EXO1: variants seen among roughly 807,000 people sequenced by gnomAD.
The protein encoded by EXO1 is exonuclease 1.
In EXO1, 69 loss-of-function variants were observed where a neutral mutation model predicts 84.5. That is an observed-to-expected ratio of 0.82 (90% CI 0.67 to 1.00). EXO1 has a LOEUF of 1.00. Ranked by LOEUF, EXO1 falls within the 50% of genes least tolerant of loss-of-function variation. EXO1 has a pLI of 0.00. For missense variants in EXO1, 1,045 were observed against 1,000.7 expected (o/e 1.04, Z -0.60); for synonymous variants, 373 against 366.1 (o/e 1.02, Z -0.21).
intron 12 of EXO1, among the ~76,000 whole-genome samples, chr1:241,873,468 G>GT (rs3835630): frequency 0.16 from 24,382 of 151,942 alleles, 2,452 homozygotes; most frequent in South Asian, 0.23. Flanking sequence ...TACAGAAATT[G>GT]TTTTTTTGGG....
intron 11 of EXO1, 31 bp from the exon 12 acceptor site, chr1:241,871,999 CAA>C: frequency 6.4e-7 from 1 of 1,564,310 alleles, no homozygotes; most frequent in Non-Finnish European, 8.7e-7. Flanking sequence ...ACAGGTGAAA[CAA>C]AGATTTACAG....
rs200754492 is a variant in EXO1 at position 241,860,599 on chromosome 1, A to C, written c.839A>C (p.Asn280Thr). ...ATCAACGGGTTTATTCGGGCCAACA[A>C]TACCTTCCTCTATCAGCTAGTTTTT... Reference protein sequence around the residue: ...DYINGFIRANNTFLYQLVFDP... With the variant: ...DYINGFIRANTTFLYQLVFDP... The change falls in exon 9 of 16, where the codon AAT (asparagine) becomes ACT (threonine). Residue 280 changes from asparagine to threonine, a missense_variant. Physicochemically the swap from Asn to Thr is moderately conservative, Grantham distance 65. Transcript: ENST00000366548. 1.2e-6 allele frequency: 2 copies of C among 1,613,924 alleles called. No homozygotes were observed. The highest frequency in any genetic ancestry group is 2.2e-5 in the South Asian group (2 of 91,070).
intron 14 of EXO1, among the ~76,000 whole-genome samples, chr1:241,884,674 T>TGCAC (rs1553275071): frequency 0.19 from 27,766 of 149,508 alleles, 3,003 homozygotes; most frequent in Non-Finnish European, 0.25. Flanking sequence ...TGTGTGTGTG[T>TGCAC]GTGCACGTGC....
chr1:241,850,836 CTTTTTTTTTTTT>C (rs10641736), intron 4 of EXO1, among the ~76,000 whole-genome samples: 2 of 105,096 alleles, frequency 1.9e-5, no homozygotes, highest in South Asian at 3.5e-4. Context: ...CTCCTTTATT[CTTTTTTTTTTTT>C]TTTTTTTTTT....
At chr1:241,852,269 A>C in intron 4 of EXO1, 23 bp from the exon 5 acceptor site, 1 of 1,593,348 alleles carries the variant, frequency 6.3e-7, no homozygotes, top group Non-Finnish European at 8.6e-7. Flanking sequence ...TGAAGCACTG[A>C]ATGTTTTTCT....
intron 4 of EXO1, among the ~76,000 whole-genome samples, chr1:241,850,833 ATTCTT>A (rs1488665364): frequency 1.0e-5 from 1 of 97,668 alleles, no homozygotes; most frequent in African/African-American, 4.0e-5. Context: ...TATCTCCTTT[ATTCTT>A]TTTTTTTTTT....
chr1:241,882,764 TAATAA>T (rs1244803190), intron 14 of EXO1, among the ~76,000 whole-genome samples: 2 of 152,158 alleles, frequency 1.3e-5, no homozygotes, highest in Non-Finnish European at 2.9e-5. Flanking sequence ...CAAATTAAAA[TAATAA>T]AATAGTTTCT....
rs550672150 is a variant in EXO1 at position 241,853,344 on chromosome 1, T to G, written c.282-14T>G. The G allele has an allele frequency of 8.1e-6, 13 of 1,613,236 alleles. No individual in the cohort carries two copies. The East Asian group carries it at 2.9e-4, about 36-fold the overall frequency. ...TTAAATGTTTTATATTTAAAAAATG[T>G]TCTTCCCTTGCAGAAGACGACAAGC... On this transcript the variant is annotated splice_polypyrimidine_tract_variant and intron_variant, in intron 5 of 15. Coordinates refer to ENST00000366548, the MANE Select transcript of EXO1 (RefSeq NM_130398.4).
intron 4 of EXO1, among the ~76,000 whole-genome samples, chr1:241,852,075 AAGT>A (rs1407748419): frequency 2.6e-5 from 4 of 152,198 alleles, no homozygotes; most frequent in African/African-American, 9.7e-5. Context: ...TTGGAGGGTC[AAGT>A]AGTTCACCAG....
intron 12 of EXO1, among the ~76,000 whole-genome samples, chr1:241,875,833 A>G (rs1776144): frequency 0.31 from 46,602 of 152,088 alleles, 7,821 homozygotes; most frequent in Middle Eastern, 0.39. Context: ...AGCCAAGATC[A>G]CGCCACTGCA....
chr1:241,884,227 T>G (rs1662919232), intron 14 of EXO1, among the ~76,000 whole-genome samples: 1 of 152,180 alleles, frequency 6.6e-6, no homozygotes, highest in Non-Finnish European at 1.5e-5. Flanking sequence ...TTTCTTTGCC[T>G]TCTTTTTTCT....
At chr1:241,863,810 T>C (rs1372844862) in intron 10 of EXO1, among the ~76,000 whole-genome samples, 1 of 152,230 alleles carries the variant, frequency 6.6e-6, no homozygotes, top group Non-Finnish European at 1.5e-5. Flanking sequence ...CAATTGCTAT[T>C]TTACTTCCTT....
chr1:241,873,395 C>T (rs994959269), intron 12 of EXO1, among the ~76,000 whole-genome samples: 3 of 152,170 alleles, frequency 2.0e-5, no homozygotes, highest in African/African-American at 4.8e-5. Flanking sequence ...CTAGTACTTT[C>T]GTAATCTCTC....
intron 4 of EXO1, among the ~76,000 whole-genome samples, chr1:241,850,836 C>CTTTTTTTTTTTTTTTTTTTTTTTTT (rs10641736): frequency 9.5e-6 from 1 of 105,088 alleles, no homozygotes; most frequent in Non-Finnish European, 1.8e-5. Context: ...CTCCTTTATT[C>CTTTTTTTTTTTTTTTTTTTTTTTTT]TTTTTTTTTT....
intron 11 of EXO1, among the ~76,000 whole-genome samples, chr1:241,869,439 C>T (rs1437195525): frequency 1.3e-5 from 2 of 152,174 alleles, no homozygotes; most frequent in South Asian, 2.1e-4. Context: ...ATAATTGCTT[C>T]CTTCTCTCTT....
In EXO1 at chr1:241,881,973, C is replaced by T. The variant is rs1635498; in HGVS notation, c.2167C>T (p.Arg723Cys). ...TCAAAGTGACCAGACCTCCAAGCTA[C>T]GTTTATCTCATTTCTCAAAAAAAGA... ...DSQSDQTSKL[R>C]LSHFSKKDTP... The change falls in exon 14 of 16, where the codon CGT (arginine) becomes TGT (cysteine). Residue 723 changes from arginine (R) to cysteine (C), a missense_variant. Transcript: ENST00000366548. 0.97 allele frequency: 1,529,062 copies of T among 1,582,088 alleles called. 739,663 individuals carry two copies. Among genetic ancestry groups the T allele is most frequent in the Non-Finnish European group, 0.98 (1,126,126 of 1,152,820 alleles).
chr1:241,866,557 T>A (rs1204125425), intron 10 of EXO1, among the ~76,000 whole-genome samples: 1 of 145,760 alleles, frequency 6.9e-6, no homozygotes, highest in Non-Finnish European at 1.5e-5. Context: ...TGCTAGCAAC[T>A]CTTGATTTTT....
chr1:241,873,203 T>C (rs4149971), intron 12 of EXO1, among the ~76,000 whole-genome samples: 8,033 of 152,200 alleles, frequency 0.053, 450 homozygotes, highest in African/African-American at 0.14. Context: ...TAGGTATATC[T>C]CCTAATGCTA....
intron 4 of EXO1, among the ~76,000 whole-genome samples, chr1:241,850,836 C>T (rs374828125): frequency 5.2e-4 from 55 of 105,068 alleles, no homozygotes; most frequent in South Asian, 7.1e-4. Flanking sequence ...CTCCTTTATT[C>T]TTTTTTTTTT....
Sources: gnomAD v4.1 joint callset for allele counts (sites outside exome capture counted in the v4.1 genomes callset) on GRCh38, gnomAD v4.1.1 for gene constraint, MANE v1.5 for transcripts, NCBI Gene and HGNC (gene_info 2026-07-23, HGNC 2026-07-21) for gene names.